Variants in THSD7A observed in about 807,000 individuals in gnomAD.
THSD7A encodes thrombospondin type-1 domain-containing protein 7A.
In THSD7A, 96 loss-of-function variants were observed where a neutral mutation model predicts 231.3. The observed-to-expected ratio is 0.41, with a 90% confidence interval of 0.35 to 0.49. The LOEUF is 0.49. Among genes scored for constraint, THSD7A ranks in the 20% least tolerant of loss-of-function variants. THSD7A has a pLI of 0.05. For synonymous variants in THSD7A, 940 were observed against 743.3 expected, an observed-to-expected ratio of 1.26 and a Z score of -4.30; for missense variants, 2,290 against 2,070.2, an observed-to-expected ratio of 1.11 and a Z score of -2.06.
At chr7:11,626,162 A>G (rs940625578) in intron 2 of THSD7A, among the ~76,000 whole-genome samples, 1 of 152,156 alleles carries the variant, frequency 6.6e-6, no homozygotes, top group Non-Finnish European at 1.5e-5. Flanking sequence ...CCCTCTTTTT[A>G]TTTAATTTTC....
At chr7:11,449,389 C>G (rs547253610) in intron 11 of THSD7A, among the ~76,000 whole-genome samples, 81 of 152,012 alleles carry the variant, frequency 5.3e-4, no homozygotes, top group African/African-American at 1.8e-3. Flanking sequence ...TTTCAAGATG[C>G]TCAGGTGATC....
At chr7:11,788,215 A>G (rs1783848418) in intron 1 of THSD7A, among the ~76,000 whole-genome samples, 1 of 152,052 alleles carries the variant, frequency 6.6e-6, no homozygotes, top group African/African-American at 2.4e-5. Context: ...AGCAGTAATG[A>G]TGCAGTCATT....
Position 11,417,456 on chromosome 7 carries a change from A to G in THSD7A, c.3531T>C (p.Cys1177=). The G allele has an allele frequency of 6.3e-7, 1 of 1,593,386 alleles. No homozygotes were observed. The change falls in exon 17 of 28, where the codon TGT becomes TGC. Residue 1177 remains cysteine, a synonymous_variant. Transcript: ENST00000423059. ...AAAAGGTTAATCATCTCACCAAAAC[A>G]CATTGGGTCCATGGACCCCATTCAG... is the stretch of plus-strand genomic sequence containing the variant. ...VISEWGPWTQ[C]VLPCNQSSFR...
At chr7:11,621,898 C>T (rs898802554) in intron 2 of THSD7A, among the ~76,000 whole-genome samples, 44 of 152,030 alleles carry the variant, frequency 2.9e-4, no homozygotes, top group Non-Finnish European at 3.4e-4. Flanking sequence ...TGTCACAAAT[C>T]ATACAAAACT....
At chr7:11,507,280 C>T (rs1029900130) in intron 6 of THSD7A, among the ~76,000 whole-genome samples, 1 of 152,000 alleles carries the variant, frequency 6.6e-6, no homozygotes, top group African/African-American at 2.4e-5. Flanking sequence ...GGGGTGAGTT[C>T]ATGTTAAATT....
chr7:11,382,727 G>T, intron 23 of THSD7A, 111 bp from the exon 24 acceptor site: 1 of 841,820 alleles, frequency 1.2e-6, no homozygotes, highest in Admixed American at 2.1e-5. Context: ...CATCTCTGAT[G>T]ATTCAAATGT....
Position 11,651,051 on chromosome 7 carries a change from C to T in THSD7A, c.191-14090G>A, listed in dbSNP as rs73676059. Among the ~76,000 whole-genome samples, 458 of 151,834 alleles carry T rather than the reference C, an allele frequency of 3.0e-3. 1 individual carries two copies. Among genetic ancestry groups the T allele is most frequent in the African/African-American group, 9.7e-3 (400 of 41,430 alleles). ...AACACTACCAAAAGTGGAAACAATC[C>T]AAATGTCTAATAATAATAGACAAAA... is the stretch of plus-strand genomic sequence containing the variant. On this transcript the variant is annotated intron_variant, in intron 1 of 27. Transcript: ENST00000423059.
At chr7:11,762,846 A>G (rs1172758918) in intron 1 of THSD7A, among the ~76,000 whole-genome samples, 1 of 152,180 alleles carries the variant, frequency 6.6e-6, no homozygotes, top group African/African-American at 2.4e-5. Flanking sequence ...CTCATGAATT[A>G]GACAATCAAC....
chr7:11,740,923 A>C (rs1430367828), intron 1 of THSD7A, among the ~76,000 whole-genome samples: 1 of 151,986 alleles, frequency 6.6e-6, no homozygotes, highest in Non-Finnish European at 1.5e-5. Context: ...GAATTACTGA[A>C]CATGTGAATT....
rs557343659 is a variant in THSD7A at position 11,590,597 on chromosome 7, G to T, written c.1316C>A (p.Pro439His). ...CCTCTTGTCCTGCTGACTGAGCAAA[G>T]GGTCCACACGGCACTCAGTCCACTC... ...TTEWTECRVD[P>H]LLSQQDKRRG... Residue 439 changes from proline to histidine, a missense_variant, in exon 4 of 28, where the codon CCT becomes CAT. By Grantham distance (77) the Pro-to-His change is moderately conservative. Coordinates refer to ENST00000423059, the MANE Select transcript of THSD7A (RefSeq NM_015204.3). The surrounding 1 kb of genome is among the most constrained non-coding windows in gnomAD (Gnocchi z 4.4). The T allele has an allele frequency of 4.3e-6, 7 of 1,613,328 alleles. 1 individual carries two copies. Among genetic ancestry groups the T allele is most frequent in the Non-Finnish European group, 5.9e-6 (7 of 1,179,624 alleles).
At chr7:11,449,628 G>C (rs1785081190) in intron 11 of THSD7A, among the ~76,000 whole-genome samples, 1 of 152,012 alleles carries the variant, frequency 6.6e-6, no homozygotes, top group South Asian at 2.1e-4. Context: ...AGATAAAAAA[G>C]AACATCCATA....
chr7:11,411,145 G>T lies in THSD7A; in HGVS notation c.3798+62C>A. On this transcript the variant is annotated intron_variant, in intron 19 of 27. Coordinates refer to ENST00000423059, the MANE Select transcript of THSD7A (RefSeq NM_015204.3). The surrounding 1 kb of genome is among the most constrained non-coding windows in gnomAD (Gnocchi z 4.1). ...CATGGAGCACGGGTCACTTGGCTCA[G>T]CATGAATTGAAATTATTAGGGAAGA... 3 of 1,304,756 alleles carry T rather than the reference G, an allele frequency of 2.3e-6. No homozygotes were observed. Among genetic ancestry groups the T allele is most frequent in the Non-Finnish European group, 3.3e-6 (3 of 914,710 alleles). 80.8% of individuals were successfully genotyped at this position (1,304,756 alleles called of 1,614,324 possible).
At chr7:11,566,651 T>C (rs1790341027) in intron 4 of THSD7A, among the ~76,000 whole-genome samples, 1 of 152,168 alleles carries the variant, frequency 6.6e-6, no homozygotes, top group South Asian at 2.1e-4. Flanking sequence ...ATATGCAGAA[T>C]AATTTTTTCA....
intron 23 of THSD7A, among the ~76,000 whole-genome samples, chr7:11,389,182 T>C (rs1245993356): frequency 6.6e-6 from 1 of 152,150 alleles, no homozygotes; most frequent in Admixed American, 6.5e-5. Context: ...TCTGTCATGT[T>C]GATCAGTCTA....
In THSD7A at chr7:11,758,122, G is replaced by A. The variant is rs143647098; in HGVS notation, c.190+73635C>T. Among the ~76,000 whole-genome samples the A allele has an allele frequency of 9.7e-3, 1,470 of 151,332 alleles. 19 individuals carry two copies. The highest frequency in any genetic ancestry group is 0.033 in the African/African-American group (1,371 of 41,336). Reference sequence around the variant, plus strand: ...GGGAAATAGGAACCTAATAGTGATTGAGTAAAAACGAAAAGTCACATATAG... The same window carrying A: ...GGGAAATAGGAACCTAATAGTGATTAAGTAAAAACGAAAAGTCACATATAG... On this transcript the variant is annotated intron_variant, in intron 1 of 27. Transcript: ENST00000423059.
At chr7:11,729,153 A>T (rs959355941) in intron 1 of THSD7A, among the ~76,000 whole-genome samples, 7 of 151,960 alleles carry the variant, frequency 4.6e-5, no homozygotes, top group Admixed American at 3.3e-4. Context: ...CTGAAGAGAC[A>T]GAAGAACCAG....
chr7:11,655,703 T>C (rs1320956753), intron 1 of THSD7A, among the ~76,000 whole-genome samples: 1 of 151,850 alleles, frequency 6.6e-6, no homozygotes, highest in Non-Finnish European at 1.5e-5. Flanking sequence ...CTTTTTGAAA[T>C]AAAAAAGACA....
intron 1 of THSD7A, among the ~76,000 whole-genome samples, chr7:11,719,919 C>T (rs1172709279): frequency 6.6e-6 from 1 of 151,632 alleles, no homozygotes; most frequent in African/African-American, 2.4e-5. Flanking sequence ...GTTCTACTTT[C>T]TCCTTAACTA....
intron 1 of THSD7A, among the ~76,000 whole-genome samples, chr7:11,817,043 C>CATGA (rs756893164): frequency 2.0e-5 from 3 of 152,148 alleles, no homozygotes; most frequent in African/African-American, 4.8e-5. Context: ...TTGTAATGGA[C>CATGA]ATGAAATAGT....
Sources: gnomAD v4.1 joint callset for allele counts (sites outside exome capture counted in the v4.1 genomes callset) on GRCh38, gnomAD v4.1.1 for gene constraint, Gnocchi (gnomAD v3.1) non-coding constraint, MANE v1.5 for transcripts, NCBI Gene and HGNC (gene_info 2026-07-23, HGNC 2026-07-21) for gene names.